The following RBM19 variants were observed in gnomAD, a reference collection of about 807,000 sequenced individuals.
RBM19 encodes RNA binding motif protein 19.
Under a neutral mutation model 116.8 loss-of-function variants are expected in RBM19, and 94 were observed. The observed-to-expected ratio is 0.80, with a 90% CI of 0.68 to 0.95. The LOEUF (loss-of-function observed/expected upper bound fraction) is 0.95, where lower values mean the gene tolerates loss of function less well. Among genes scored for constraint, RBM19 ranks in the 40% least tolerant of loss-of-function variants. The probability of loss-of-function intolerance (pLI) is 0.00; values close to 1 mark genes in which losing one functional copy is unlikely to be tolerated. For synonymous variants in RBM19, 475 were observed against 494.1 expected, an observed-to-expected ratio of 0.96 and a Z score of 0.51; for missense variants, 1,161 against 1,220.7, an observed-to-expected ratio of 0.95 and a Z score of 0.73.
intron 20 of RBM19, among the ~76,000 whole-genome samples, chr12:113,915,769 C>T (rs1243260058): frequency 6.6e-6 from 1 of 152,182 alleles, no homozygotes; most frequent in Non-Finnish European, 1.5e-5. Flanking sequence ...ATGATAGGCC[C>T]ACCTAATTTG....
chr12:113,851,028 G>C (rs374826147), intron 22 of RBM19, among the ~76,000 whole-genome samples: 3 of 152,248 alleles, frequency 2.0e-5, no homozygotes, highest in Admixed American at 6.5e-5. Context: ...CCTTTCCTTC[G>C]GTCCCAAGGC....
At chr12:113,824,608 G>A (rs1874701783) in intron 23 of RBM19, among the ~76,000 whole-genome samples, 1 of 151,954 alleles carries the variant, frequency 6.6e-6, no homozygotes, top group South Asian at 2.1e-4. Context: ...TCCGCAGGCT[G>A]TGAGCTCCCT....
chr12:113,932,216 T>C (rs746543103), intron 16 of RBM19, among the ~76,000 whole-genome samples: 3 of 152,158 alleles, frequency 2.0e-5, no homozygotes, highest in Non-Finnish European at 4.4e-5. Context: ...TGTGCTTCCT[T>C]CTTTCCATCT....
chr12:113,966,222 C>G lies in RBM19; in HGVS notation c.6G>C (p.Ser2=), dbSNP rs1256066164. The part of the protein sequence containing the change: M[S]RLIVKNLPNG... ...TCGGGAGATTCTTCACGATCAGTCG[C>G]GACATGGCGCAGGGTCCCCGCTGTT... The change falls in exon 1 of 24, where the codon TCG becomes TCC. Residue 2 remains serine, a synonymous_variant. Transcript: ENST00000261741. 1 of 1,614,280 alleles carries G rather than the reference C, an allele frequency of 6.2e-7. No homozygotes were observed. Among genetic ancestry groups the G allele is most frequent in the East Asian group, 2.2e-5 (1 of 44,892 alleles).
At chr12:113,842,821 A>G (rs1876618044) in intron 23 of RBM19, among the ~76,000 whole-genome samples, 1 of 152,136 alleles carries the variant, frequency 6.6e-6, no homozygotes, top group Non-Finnish European at 1.5e-5. Context: ...TAAAAAAAAA[A>G]AGTGAGGGGC....
chr12:113,836,456 A>C (rs192288030), intron 23 of RBM19, among the ~76,000 whole-genome samples: 1 of 152,162 alleles, frequency 6.6e-6, no homozygotes, highest in African/African-American at 2.4e-5. Flanking sequence ...ATGCCCTGCC[A>C]TTATACAGGG....
At chr12:113,957,733 A>C in intron 6 of RBM19, 49 bp downstream of exon 6, 1 of 1,522,540 alleles carries the variant, frequency 6.6e-7, no homozygotes, top group Non-Finnish European at 8.8e-7. Context: ...ACCACGGGCA[A>C]GCAGGAGAGC....
At chr12:113,918,078 C>A (rs1882880165) in intron 20 of RBM19, among the ~76,000 whole-genome samples, 1 of 151,996 alleles carries the variant, frequency 6.6e-6, no homozygotes, top group African/African-American at 2.4e-5. Flanking sequence ...GTTTATTTAT[C>A]CCAAGATGAG....
intron 23 of RBM19, among the ~76,000 whole-genome samples, chr12:113,842,458 ACTGTGT>A (rs940058665): frequency 1.3e-5 from 2 of 152,200 alleles, no homozygotes; most frequent in African/African-American, 4.8e-5. Context: ...TGAGCTTGCA[ACTGTGT>A]ATTTAGCCTT....
chr12:113,955,072 C>T (rs555747919), intron 7 of RBM19, 59 bp downstream of exon 7: 1 of 1,561,370 alleles, frequency 6.4e-7, no homozygotes, highest in East Asian at 2.2e-5. Context: ...CTCCTGGCCT[C>T]CCCACCCTCG....
chr12:113,830,042 A>G (rs1003222221), intron 23 of RBM19, among the ~76,000 whole-genome samples: 1 of 152,090 alleles, frequency 6.6e-6, no homozygotes, highest in Non-Finnish European at 1.5e-5. Context: ...CCGCACTAGG[A>G]CTCTGAAGAG....
At chr12:113,924,567 C>T in intron 18 of RBM19, 130 bp downstream of exon 18, 1 of 829,992 alleles carries the variant, frequency 1.2e-6, no homozygotes, top group Non-Finnish European at 2.1e-6. Context: ...GACCATGCTT[C>T]AGAAAAAAGA....
intron 20 of RBM19, among the ~76,000 whole-genome samples, chr12:113,915,608 C>CA (rs1392644868): frequency 6.6e-6 from 1 of 152,192 alleles, no homozygotes; most frequent in African/African-American, 2.4e-5. Context: ...GGAAACCTCC[C>CA]ACTCCACCAA....
intron 18 of RBM19, among the ~76,000 whole-genome samples, chr12:113,920,933 A>T (rs749042662): frequency 1.3e-5 from 2 of 152,234 alleles, no homozygotes; most frequent in Non-Finnish European, 2.9e-5. Flanking sequence ...CAGATGACTG[A>T]CATGATAATT....
chr12:113,865,840 G>GAAA (rs1593504275), intron 21 of RBM19, among the ~76,000 whole-genome samples: 21 of 149,432 alleles, frequency 1.4e-4, no homozygotes, highest in East Asian at 5.9e-4. Context: ...AAAAAAAAAG[G>GAAA]GGGCAGGGGG....
At chr12:113,865,177 A>G (rs1215530074) in intron 21 of RBM19, among the ~76,000 whole-genome samples, 3 of 152,188 alleles carry the variant, frequency 2.0e-5, no homozygotes, top group Non-Finnish European at 4.4e-5. Context: ...ACTATGAAGA[A>G]TCCACACTGG....
chr12:113,922,650 G>A (rs1868689263), intron 18 of RBM19, among the ~76,000 whole-genome samples: 1 of 150,892 alleles, frequency 6.6e-6, no homozygotes, highest in Admixed American at 6.6e-5. Context: ...CTCAAAACTG[G>A]TCCTTCTCAT....
intron 21 of RBM19, among the ~76,000 whole-genome samples, chr12:113,882,655 C>T (rs1030638957): frequency 6.5e-4 from 99 of 152,162 alleles, no homozygotes; most frequent in Admixed American, 5.3e-3. Flanking sequence ...TTATGGGAAG[C>T]GGGGCCCATG....
intron 21 of RBM19, among the ~76,000 whole-genome samples, chr12:113,866,554 C>T (rs1437876432): frequency 6.6e-6 from 1 of 152,252 alleles, no homozygotes; most frequent in Non-Finnish European, 1.5e-5. Context: ...TGGCTCTGCC[C>T]TCACCAACTG....
Sources: allele counts gnomAD v4.1 joint callset (sites outside exome capture counted in the v4.1 genomes callset), GRCh38; gene constraint gnomAD v4.1.1; transcripts MANE v1.5; gene names NCBI Gene and HGNC (gene_info 2026-07-23, HGNC 2026-07-21).